The following RNFT2 variants were observed in gnomAD, a reference collection of about 807,000 sequenced individuals.
RNFT2 encodes the protein E3 ubiquitin-protein ligase RNFT2.
Under a neutral mutation model 53.0 loss-of-function variants are expected in RNFT2, and 36 were observed. That is an observed-to-expected ratio of 0.68 (90% CI 0.52 to 0.90). RNFT2 has a LOEUF of 0.90. Ranked by LOEUF, RNFT2 falls within the 40% of genes least tolerant of loss-of-function variation. The probability of loss-of-function intolerance (pLI) is 0.00; values close to 1 mark genes in which losing one functional copy is unlikely to be tolerated. For synonymous variants in RNFT2, 260 were observed against 253.2 expected (o/e 1.03, Z -0.26); for missense variants, 514 against 585.6 (o/e 0.88, Z 1.26).
chr12:116,799,050 A>G (rs1313013609), intron 7 of RNFT2, among the ~76,000 whole-genome samples: 1 of 152,242 alleles, frequency 6.6e-6, no homozygotes, highest in Non-Finnish European at 1.5e-5. Context: ...GGTGTTGGCC[A>G]GGCTGGGCTC....
chr12:116,815,377 T>C (rs935204433), intron 7 of RNFT2, among the ~76,000 whole-genome samples: 3 of 152,236 alleles, frequency 2.0e-5, no homozygotes, highest in African/African-American at 7.2e-5. Flanking sequence ...GGAGGTCAGA[T>C]GTCCAAAATC....
At chr12:116,768,380 C>T (rs560692610) in intron 6 of RNFT2, among the ~76,000 whole-genome samples, 1 of 152,216 alleles carries the variant, frequency 6.6e-6, no homozygotes, top group South Asian at 2.1e-4. Flanking sequence ...GGATTACAGG[C>T]ATGAGCCACC....
At chr12:116,833,249 A>T (rs909816287) in intron 7 of RNFT2, among the ~76,000 whole-genome samples, 2 of 152,052 alleles carry the variant, frequency 1.3e-5, no homozygotes, top group Non-Finnish European at 2.9e-5. Context: ...CTAGGTATTC[A>T]TCCTGCCTCC....
intron 8 of RNFT2, among the ~76,000 whole-genome samples, chr12:116,834,769 C>T (rs1394579159): frequency 6.6e-6 from 1 of 151,706 alleles, no homozygotes; most frequent in Non-Finnish European, 1.5e-5. Context: ...ACCCTAATTT[C>T]TCACCTATGA....
chr12:116,840,359 CGTT>C (rs1877189119), intron 10 of RNFT2, among the ~76,000 whole-genome samples: 1 of 152,118 alleles, frequency 6.6e-6, no homozygotes, highest in African/African-American at 2.4e-5. Context: ...CCTGAGGTCC[CGTT>C]GTTCCTCAGT....
At chr12:116,791,506 C>A (rs774493788) in intron 7 of RNFT2, among the ~76,000 whole-genome samples, 2 of 152,222 alleles carry the variant, frequency 1.3e-5, no homozygotes, top group African/African-American at 4.8e-5. Context: ...GATGGGGTTT[C>A]GCCATGTAGG....
intron 7 of RNFT2, among the ~76,000 whole-genome samples, chr12:116,822,211 C>T (rs527312233): frequency 1.3e-5 from 2 of 152,190 alleles, no homozygotes; most frequent in South Asian, 4.2e-4. Flanking sequence ...ACAGTGCTGC[C>T]CCCATGGTTG....
intron 3 of RNFT2, among the ~76,000 whole-genome samples, chr12:116,749,300 G>C (rs1259805745): frequency 8.4e-6 from 1 of 119,132 alleles, no homozygotes; most frequent in Non-Finnish European, 1.6e-5. Flanking sequence ...CACCCCTTTT[G>C]AGACAGGCTC....
intron 7 of RNFT2, among the ~76,000 whole-genome samples, chr12:116,820,696 G>A (rs1268190270): frequency 6.6e-6 from 1 of 152,002 alleles, no homozygotes; most frequent in African/African-American, 2.4e-5. Flanking sequence ...GTGGCACAAA[G>A]CCACTCTGGA....
intron 5 of RNFT2, among the ~76,000 whole-genome samples, chr12:116,754,743 G>A (rs957508453): frequency 6.6e-6 from 1 of 152,136 alleles, no homozygotes; most frequent in Non-Finnish European, 1.5e-5. Flanking sequence ...CATTAGCAGC[G>A]TTAAGCATTT....
chr12:116,852,352 C>A lies in RNFT2; in HGVS notation c.*2904C>A. On this transcript the variant is annotated 3_prime_UTR_variant, in exon 11 of 11. Coordinates refer to ENST00000257575, the MANE Select transcript of RNFT2 (RefSeq NM_001382266.1). Reference sequence around the variant, plus strand: ...CCCCGCCGTAGATTCAGGACATTTGCCCCTGTGTGCCACCAAACCAGGACT... The same window carrying A: ...CCCCGCCGTAGATTCAGGACATTTGACCCTGTGTGCCACCAAACCAGGACT... The A allele has an allele frequency of 7.8e-7, 1 of 1,277,800 alleles. No homozygotes were observed. The highest frequency in any genetic ancestry group is 9.9e-7 in the Non-Finnish European group (1 of 1,007,288). 79.2% of individuals were successfully genotyped at this position (1,277,800 alleles called of 1,614,324 possible).
intron 7 of RNFT2, among the ~76,000 whole-genome samples, chr12:116,800,440 C>T (rs970827032): frequency 2.0e-5 from 3 of 151,866 alleles, no homozygotes; most frequent in African/African-American, 7.3e-5. Flanking sequence ...CAAGTCCAGC[C>T]TGGCCAACAT....
chr12:116,750,787 ATGTGTGTGTG>A, intron 4 of RNFT2, among the ~76,000 whole-genome samples: 1 of 120,136 alleles, frequency 8.3e-6, no homozygotes, highest in East Asian at 2.2e-4. Flanking sequence ...TTTTTACTAT[ATGTGTGTGTG>A]TATATATATA....
At chr12:116,800,582 C>T (rs1177732686) in intron 7 of RNFT2, among the ~76,000 whole-genome samples, 1 of 151,036 alleles carries the variant, frequency 6.6e-6, no homozygotes, top group East Asian at 1.9e-4. Flanking sequence ...TGCAGTGAGC[C>T]GAGATAATGC....
chr12:116,766,887 CA>C lies in RNFT2; in HGVS notation c.702del (p.Phe235SerfsTer13), dbSNP rs1566074924. On this transcript the variant is annotated frameshift_variant, in exon 6 of 11. Coordinates refer to ENST00000257575, the MANE Select transcript of RNFT2 (RefSeq NM_001382266.1). LOFTEE classifies it high-confidence loss of function. ...LAGNTLYVLY[T>X]FSSQQLYNSL... is the part of the protein sequence containing the mutation. ...GGGAACACCCTCTATGTGCTTTATA[CA>C]TTCAGCTCCCAGCAGCTGTACAACA... 3.8e-6 allele frequency: 6 copies of C among 1,590,696 alleles called. No individual in the cohort carries two copies. Among genetic ancestry groups the C allele is most frequent in the Non-Finnish European group, 5.1e-6 (6 of 1,167,948 alleles).
At chr12:116,768,179 C>CAA (rs1257866061) in intron 6 of RNFT2, among the ~76,000 whole-genome samples, 4 of 150,410 alleles carry the variant, frequency 2.7e-5, no homozygotes, top group Non-Finnish European at 5.9e-5. Flanking sequence ...CGGCTCACTG[C>CAA]AACCTATGCC....
Position 116,760,164 on chromosome 12 carries a change from C to T in RNFT2, c.627+6104C>T, listed in dbSNP as rs183328513. On this transcript the variant is annotated intron_variant, in intron 5 of 10. Transcript: ENST00000257575. Reference sequence around the variant, plus strand: ...CAGTCACAGGCCTCACCCAGCTCCCCTGCAAAACGAAGGGCCGGTCTCACT... The same window carrying T: ...CAGTCACAGGCCTCACCCAGCTCCCTTGCAAAACGAAGGGCCGGTCTCACT... Among the ~76,000 whole-genome samples, 782 of 152,250 alleles carry T rather than the reference C, an allele frequency of 5.1e-3. 31 individuals are homozygous for T. Among genetic ancestry groups the T allele is most frequent in the Admixed American group, 0.045 (692 of 15,292 alleles).
At chr12:116,738,957 C>T (rs1871456436) in intron 1 of RNFT2, among the ~76,000 whole-genome samples, 1 of 152,098 alleles carries the variant, frequency 6.6e-6, no homozygotes, top group South Asian at 2.1e-4. Flanking sequence ...ATGACCTTTT[C>T]TTGATATATG....
At chr12:116,760,903 G>A (rs538199710) in intron 5 of RNFT2, among the ~76,000 whole-genome samples, 1 of 152,146 alleles carries the variant, frequency 6.6e-6, no homozygotes. Flanking sequence ...TTTAGAGACA[G>A]AGTCTTGCTC....
Sources: allele counts gnomAD v4.1 joint callset (sites outside exome capture counted in the v4.1 genomes callset), GRCh38; gene constraint gnomAD v4.1.1; transcripts MANE v1.5; gene names NCBI Gene and HGNC (gene_info 2026-07-23, HGNC 2026-07-21).